Variants in NNT observed in about 807,000 individuals in gnomAD.
NNT encodes the protein nicotinamide nucleotide transhydrogenase, also known as NAD(P) transhydrogenase, mitochondrial.
In NNT, 50 loss-of-function variants were observed where a neutral mutation model predicts 104.8. The observed-to-expected ratio is 0.48, with a 90% CI of 0.38 to 0.60. The LOEUF is 0.60. Ranked by LOEUF, NNT falls within the 20% of genes least tolerant of loss-of-function variation. The pLI, the probability that NNT is intolerant of heterozygous loss-of-function variation, is 0.00. For synonymous variants in NNT, 461 were observed against 490.4 expected (o/e 0.94, Z 0.79); for missense variants, 1,131 against 1,330.7 (o/e 0.85, Z 2.33).
chr5:43,606,767 T>G (rs574300296), intron 1 of NNT, among the ~76,000 whole-genome samples: 2 of 152,292 alleles, frequency 1.3e-5, no homozygotes, highest in Non-Finnish European at 2.9e-5. Context: ...TTTGTAGTGT[T>G]ATTATTTGTT....
At position 43,644,616 on chromosome 5, in the gene NNT, T is replaced by C. The variant is rs767077658; in HGVS notation, c.1104T>C (p.Ile368=). 54 of 1,603,798 alleles carry C rather than the reference T, an allele frequency of 3.4e-5. No individual in the cohort carries two copies. The highest frequency in any genetic ancestry group is 4.3e-5 in the Non-Finnish European group (51 of 1,176,372). ...KPGELYIHKG[I]THIGYTDLPS... ...CTATAATTTTGTTCATTTAGGGAAT[T>C]ACTCACATAGGCTACACAGACCTGC... The change falls in exon 9 of 22, where the codon ATT becomes ATC. Residue 368 remains isoleucine (I), a synonymous_variant. Coordinates refer to ENST00000344920, the MANE Select transcript of NNT (RefSeq NM_182977.3).
chr5:43,698,217 T>A (rs1742661984), intron 19 of NNT, among the ~76,000 whole-genome samples: 1 of 151,902 alleles, frequency 6.6e-6, no homozygotes, highest in Admixed American at 6.6e-5. Flanking sequence ...AATATATATA[T>A]ATTGCAAATC....
At position 43,634,566 on chromosome 5, in the gene NNT, C is replaced by T. The variant is rs141454971; in HGVS notation, c.964+6179C>T. 3.5e-4 allele frequency among the ~76,000 whole-genome samples: 53 copies of T among 152,202 alleles called. No homozygotes were observed. In the East Asian group the frequency reaches 8.9e-3, roughly 25 times the overall value. On this transcript the variant is annotated intron_variant, in intron 7 of 21. Coordinates refer to ENST00000344920, the MANE Select transcript of NNT (RefSeq NM_182977.3). The stretch of plus-strand genomic sequence containing the variant: ...CTTTTTTTGTTATCTGATTCATGTT[C>T]GGTAATTCCTTCCCTTCAATGTATT...
intron 17 of NNT, among the ~76,000 whole-genome samples, chr5:43,672,156 T>A (rs1741138163): frequency 6.6e-6 from 1 of 152,234 alleles, no homozygotes; most frequent in African/African-American, 2.4e-5. Flanking sequence ...AGTACTTCTC[T>A]ACACTGTTTA....
chr5:43,607,972 C>A (rs1161125631), intron 1 of NNT, among the ~76,000 whole-genome samples: 1 of 151,946 alleles, frequency 6.6e-6, no homozygotes, highest in African/African-American at 2.4e-5. Context: ...ACTCTGTCAC[C>A]CAGGCTGGAG....
intron 17 of NNT, among the ~76,000 whole-genome samples, chr5:43,668,040 T>C (rs1740812616): frequency 1.3e-5 from 2 of 152,270 alleles, no homozygotes; most frequent in African/African-American, 4.8e-5. Flanking sequence ...CATTTTTTCA[T>C]GTGTCTTTTG....
rs1261990766 is a variant in NNT at position 43,704,559 on chromosome 5, T to C, written c.*155T>C. On this transcript the variant is annotated 3_prime_UTR_variant, in exon 22 of 22. Coordinates refer to ENST00000344920, the MANE Select transcript of NNT (RefSeq NM_182977.3). ...GCAAAGCAAAAACTGTATAGAGAGA[T>C]TTTTCAAAAGCAGTAATCCCTCAAT... 1 of 635,168 alleles carries C rather than the reference T, an allele frequency of 1.6e-6. No homozygotes were observed. The highest frequency in any genetic ancestry group is 2.5e-6 in the Non-Finnish European group (1 of 406,186). The allele number at this position is 635,168 out of a possible 1,614,324, so 39.3% of individuals were successfully genotyped here.
chr5:43,694,356 C>T (rs139532414), intron 19 of NNT, among the ~76,000 whole-genome samples: 1 of 152,280 alleles, frequency 6.6e-6, no homozygotes, highest in East Asian at 1.9e-4. Context: ...TTGTCTTAGG[C>T]TGGTTTTCAA....
intron 19 of NNT, among the ~76,000 whole-genome samples, chr5:43,689,533 A>G (rs1742156188): frequency 6.6e-6 from 1 of 152,152 alleles, no homozygotes; most frequent in African/African-American, 2.4e-5. Flanking sequence ...CAGGTCTTAG[A>G]TTTAAGTCTT....
intron 17 of NNT, among the ~76,000 whole-genome samples, chr5:43,672,179 A>G (rs145309463): frequency 5.3e-5 from 8 of 152,236 alleles, no homozygotes; most frequent in Non-Finnish European, 7.4e-5. Context: ...CTAGTTAGCC[A>G]TTCGTCTTAA....
At chr5:43,681,291 G>C (rs1741701891) in intron 19 of NNT, among the ~76,000 whole-genome samples, 1 of 149,668 alleles carries the variant, frequency 6.7e-6, no homozygotes, top group Non-Finnish European at 1.5e-5. Flanking sequence ...GAAAGGGGTA[G>C]AATTTTTTTA....
At chr5:43,686,285 G>C (rs1285651555) in intron 19 of NNT, among the ~76,000 whole-genome samples, 1 of 149,382 alleles carries the variant, frequency 6.7e-6, no homozygotes, top group Non-Finnish European at 1.5e-5. Context: ...ATCCTAATTT[G>C]ATGACATTTG....
intron 19 of NNT, among the ~76,000 whole-genome samples, chr5:43,686,428 G>A (rs1051968365): frequency 1.3e-5 from 2 of 151,810 alleles, no homozygotes; most frequent in African/African-American, 2.4e-5. Flanking sequence ...AGTTTCCAGG[G>A]AGCCCAACGT....
chr5:43,627,498 G>T (rs548073958), intron 6 of NNT, among the ~76,000 whole-genome samples: 1 of 152,274 alleles, frequency 6.6e-6, no homozygotes, highest in South Asian at 2.1e-4. Context: ...GGGGGTTTGA[G>T]ATTTACCATA....
At chr5:43,675,760 A>T in intron 18 of NNT, 90 bp downstream of exon 18, 1 of 988,546 alleles carries the variant, frequency 1.0e-6, no homozygotes, top group Non-Finnish European at 1.4e-6. Flanking sequence ...TAGAATTGAA[A>T]CTTCTTTAGT....
chr5:43,705,265 G>A lies in NNT; in HGVS notation c.*861G>A, dbSNP rs990798324. On this transcript the variant is annotated 3_prime_UTR_variant, in exon 22 of 22. Coordinates refer to ENST00000344920, the MANE Select transcript of NNT (RefSeq NM_182977.3). ...GTGGCAATTATCTCTGGTGACAAAAGAGTAAAATCAAATATTTCTGCCTGT... is the reference window on the plus strand; with the variant it reads ...GTGGCAATTATCTCTGGTGACAAAAAAGTAAAATCAAATATTTCTGCCTGT... 2 of 152,128 alleles carry A rather than the reference G, an allele frequency of 1.3e-5. No individual in the cohort carries two copies. Among genetic ancestry groups the A allele is most frequent in the African/African-American group, 4.8e-5 (2 of 41,446 alleles). The allele number at this position is 152,128 out of a possible 1,614,324, so 9.4% of individuals were successfully genotyped here.
chr5:43,704,226 C>T, intron 21 of NNT, 29 bp from the exon 22 acceptor site: 1 of 1,526,138 alleles, frequency 6.6e-7, no homozygotes, highest in Non-Finnish European at 8.8e-7. Flanking sequence ...CTGTTAAATA[C>T]ACTCTCTCAT....
At chr5:43,700,789 C>G (rs1343593899) in intron 20 of NNT, among the ~76,000 whole-genome samples, 1 of 152,164 alleles carries the variant, frequency 6.6e-6, no homozygotes, top group Non-Finnish European at 1.5e-5. Flanking sequence ...ACATTTGGCC[C>G]AAGCCTATGC....
At chr5:43,643,158 T>C (rs1751326318) in intron 7 of NNT, among the ~76,000 whole-genome samples, 1 of 152,162 alleles carries the variant, frequency 6.6e-6, no homozygotes, top group African/African-American at 2.4e-5. Context: ...GCTCAAGTGA[T>C]CCTCCCCACC....
Sources: gnomAD v4.1 joint callset for allele counts (sites outside exome capture counted in the v4.1 genomes callset) on GRCh38, gnomAD v4.1.1 for gene constraint, MANE v1.5 for transcripts, NCBI Gene and HGNC (gene_info 2026-07-23, HGNC 2026-07-21) for gene names.